ADAMTSL3: variants seen among roughly 807,000 people sequenced by gnomAD.
The protein encoded by ADAMTSL3 is ADAMTS like 3, also known as ADAMTS-like protein 3.
Under a neutral mutation model 201.7 loss-of-function variants are expected in ADAMTSL3, and 128 were observed. The ratio of observed to expected loss-of-function variants is 0.63; its 90% CI spans 0.55 to 0.73. The LOEUF is 0.73. ADAMTSL3 is among the 30% of genes least tolerant of loss of function. The pLI is 0.00. For synonymous variants in ADAMTSL3, 738 were observed against 748.4 expected (o/e 0.99, Z 0.23); for missense variants, 1,990 against 2,119.6 (o/e 0.94, Z 1.20).
At chr15:83,673,946 G>A (rs892518302) in intron 2 of ADAMTSL3, among the ~76,000 whole-genome samples, 6 of 151,898 alleles carry the variant, frequency 4.0e-5, no homozygotes, top group Admixed American at 2.0e-4. Flanking sequence ...TGTATACTGC[G>A]GACTTTTAGC....
chr15:83,935,866 A>G (rs919935771), intron 17 of ADAMTSL3, among the ~76,000 whole-genome samples: 1 of 152,128 alleles, frequency 6.6e-6, no homozygotes, highest in African/African-American at 2.4e-5. Context: ...CAATTAAATG[A>G]GTTAATACAT....
chr15:83,927,927 C>T (rs1056746362), intron 17 of ADAMTSL3, among the ~76,000 whole-genome samples: 3 of 151,634 alleles, frequency 2.0e-5, no homozygotes, highest in Admixed American at 6.6e-5. Context: ...AAAATGGTTT[C>T]GAATTTACAC....
intron 8 of ADAMTSL3, among the ~76,000 whole-genome samples, chr15:83,865,027 A>G (rs1425795620): frequency 6.6e-6 from 1 of 152,158 alleles, no homozygotes; most frequent in Non-Finnish European, 1.5e-5. Context: ...CTTCAAAGAG[A>G]ATAAAATACC....
At chr15:83,803,830 A>G (rs775857588) in intron 4 of ADAMTSL3, among the ~76,000 whole-genome samples, 1 of 152,150 alleles carries the variant, frequency 6.6e-6, no homozygotes, top group Admixed American at 6.5e-5. Flanking sequence ...GTAGAATCCC[A>G]TTTGGTAAGG....
At chr15:83,814,927 T>A (rs2063749862) in intron 5 of ADAMTSL3, among the ~76,000 whole-genome samples, 1 of 152,220 alleles carries the variant, frequency 6.6e-6, no homozygotes, top group Non-Finnish European at 1.5e-5. Flanking sequence ...TCCTGGCTTC[T>A]ATACATAAGT....
At chr15:83,783,743 A>G (rs530252556) in intron 4 of ADAMTSL3, among the ~76,000 whole-genome samples, 1 of 152,170 alleles carries the variant, frequency 6.6e-6, no homozygotes, top group East Asian at 1.9e-4. Flanking sequence ...ATTAGAAAAG[A>G]AAAATTGGTT....
chr15:83,906,942 C>A (rs952783482), intron 15 of ADAMTSL3, among the ~76,000 whole-genome samples: 1 of 150,772 alleles, frequency 6.6e-6, no homozygotes, highest in African/African-American at 2.4e-5. Context: ...TTAAAATTAC[C>A]AGCTGGGTGC....
intron 17 of ADAMTSL3, among the ~76,000 whole-genome samples, chr15:83,925,421 T>C (rs1266812607): frequency 6.6e-6 from 1 of 152,208 alleles, no homozygotes; most frequent in African/African-American, 2.4e-5. Context: ...AGTAGAGGCC[T>C]GTAGACTTAC....
chr15:83,704,163 G>A (rs1418763878), intron 2 of ADAMTSL3, among the ~76,000 whole-genome samples: 1 of 152,188 alleles, frequency 6.6e-6, no homozygotes, highest in Non-Finnish European at 1.5e-5. Context: ...GAGAATAAAT[G>A]CCATGGCTGC....
At chr15:83,940,018 T>C (rs1020479915) in intron 17 of ADAMTSL3, among the ~76,000 whole-genome samples, 2 of 152,220 alleles carry the variant, frequency 1.3e-5, no homozygotes, top group African/African-American at 4.8e-5. Context: ...ATTGCTATTC[T>C]TTTTTTAACC....
intron 2 of ADAMTSL3, among the ~76,000 whole-genome samples, chr15:83,676,269 C>T (rs1414089332): frequency 1.3e-5 from 2 of 152,032 alleles, no homozygotes; most frequent in Non-Finnish European, 2.9e-5. Flanking sequence ...TGCCATACCA[C>T]AAAATTTGAT....
chr15:83,669,542 G>A (rs1389301773), intron 2 of ADAMTSL3, among the ~76,000 whole-genome samples: 7 of 125,142 alleles, frequency 5.6e-5, no homozygotes, highest in African/African-American at 2.2e-4. Context: ...ATCTCGGCTC[G>A]CTGCAAGCTC....
At chr15:83,841,407 T>TG (rs1292344158) in intron 7 of ADAMTSL3, among the ~76,000 whole-genome samples, 2 of 152,196 alleles carry the variant, frequency 1.3e-5, no homozygotes, top group Non-Finnish European at 2.9e-5. Context: ...GGTTAAGTCC[T>TG]GGGTCTGTTG....
At chr15:83,960,325 A>T (rs6603009) in intron 19 of ADAMTSL3, among the ~76,000 whole-genome samples, 127,223 of 152,074 alleles carry the variant, frequency 0.84, 53,705 homozygotes, top group African/African-American at 0.95. Context: ...CTATAAATTA[A>T]GAAACACACC....
intron 6 of ADAMTSL3, among the ~76,000 whole-genome samples, chr15:83,826,042 T>TA (rs1364226917): frequency 6.6e-6 from 1 of 152,166 alleles, no homozygotes; most frequent in Non-Finnish European, 1.5e-5. Flanking sequence ...AAGTATGGGA[T>TA]AACAAGAGCT....
intron 19 of ADAMTSL3, among the ~76,000 whole-genome samples, chr15:83,963,561 G>C (rs1046183778): frequency 6.6e-6 from 1 of 152,222 alleles, no homozygotes; most frequent in Non-Finnish European, 1.5e-5. Context: ...CCTGGGGGAA[G>C]GGGCAGCTGT....
intron 4 of ADAMTSL3, among the ~76,000 whole-genome samples, chr15:83,777,674 A>G (rs2063101352): frequency 1.3e-5 from 2 of 152,214 alleles, no homozygotes; most frequent in African/African-American, 2.4e-5. Context: ...ATGAGAAAGA[A>G]TCAGCACAAG....
chr15:83,824,713 TCA>T (rs1367277936), intron 6 of ADAMTSL3: 1 of 152,192 alleles, frequency 6.6e-6, no homozygotes, highest in African/African-American at 2.4e-5. Context: ...TTCCGGAATG[TCA>T]CAGAGTTGGA....
At chr15:83,728,928 G>C (rs1326029380) in intron 3 of ADAMTSL3, among the ~76,000 whole-genome samples, 1 of 152,068 alleles carries the variant, frequency 6.6e-6, no homozygotes, top group African/African-American at 2.4e-5. Context: ...GTTTCTTGCA[G>C]AGCAAGTCTG....
Sources: gnomAD v4.1 joint callset for allele counts (sites outside exome capture counted in the v4.1 genomes callset) on GRCh38, gnomAD v4.1.1 for gene constraint, MANE v1.5 for transcripts, NCBI Gene and HGNC (gene_info 2026-07-23, HGNC 2026-07-21) for gene names.